The following LRBA variants were observed in gnomAD, a reference collection of about 807,000 sequenced individuals.
The protein encoded by LRBA is lipopolysaccharide-responsive and beige-like anchor protein.
In LRBA, 176 loss-of-function variants were observed where a neutral mutation model predicts 330.0. The ratio of observed to expected loss-of-function variants is 0.53; its 90% CI spans 0.47 to 0.60. The LOEUF (loss-of-function observed/expected upper bound fraction) is 0.60, where lower values mean the gene tolerates loss of function less well. LRBA is among the 20% of genes least tolerant of loss of function. LRBA has a pLI of 0.00. For synonymous variants in LRBA, 1,230 were observed against 1,193.0 expected, an observed-to-expected ratio of 1.03 and a Z score of -0.64; for missense variants, 3,259 against 3,444.8, an observed-to-expected ratio of 0.95 and a Z score of 1.35.
chr4:150,480,533 AT>A (rs1182921665), intron 42 of LRBA, among the ~76,000 whole-genome samples: 2 of 152,116 alleles, frequency 1.3e-5, no homozygotes, highest in Non-Finnish European at 2.9e-5. Flanking sequence ...TCATGTGTAT[AT>A]TAAATAATGC....
chr4:150,946,156 AG>A (rs1736225031), intron 2 of LRBA, among the ~76,000 whole-genome samples: 1 of 152,226 alleles, frequency 6.6e-6, no homozygotes, highest in South Asian at 2.1e-4. Flanking sequence ...TGAAATAAAC[AG>A]TATTATGAAA....
chr4:150,872,215 C>T (rs1241657451), intron 18 of LRBA, among the ~76,000 whole-genome samples: 2 of 152,174 alleles, frequency 1.3e-5, no homozygotes, highest in African/African-American at 4.8e-5. Flanking sequence ...TAAACTACTT[C>T]TGGTACAAAG....
At chr4:150,854,770 T>C (rs1488706979) in intron 22 of LRBA, among the ~76,000 whole-genome samples, 2 of 152,130 alleles carry the variant, frequency 1.3e-5, no homozygotes, top group Non-Finnish European at 1.5e-5. Flanking sequence ...GCCTTGGAGC[T>C]GAAATAAGCT....
chr4:150,282,748 T>C (rs908891527), intron 54 of LRBA, 102 bp from the exon 55 acceptor site: 6 of 804,484 alleles, frequency 7.5e-6, no homozygotes, highest in Admixed American at 2.9e-5. Flanking sequence ...AACCACACTA[T>C]AGATGTAGAA....
intron 53 of LRBA, among the ~76,000 whole-genome samples, chr4:150,288,575 C>G (rs539367429): frequency 6.6e-6 from 1 of 152,064 alleles, no homozygotes; most frequent in East Asian, 1.9e-4. Flanking sequence ...GGCAACAGAG[C>G]GAGACTCCGT....
intron 34 of LRBA, among the ~76,000 whole-genome samples, chr4:150,791,313 TAGTG>T (rs776769740): frequency 1.6e-4 from 25 of 152,158 alleles, no homozygotes; most frequent in African/African-American, 5.8e-4. Context: ...AAAAGTCAGA[TAGTG>T]AGAGTTGATC....
At chr4:150,292,408 G>A (rs533425666) in intron 53 of LRBA, among the ~76,000 whole-genome samples, 106 of 152,200 alleles carry the variant, frequency 7.0e-4, no homozygotes, top group Middle Eastern at 6.8e-3. Flanking sequence ...GCAGTATAAC[G>A]TTTTCACTTG....
chr4:150,467,992 A>C (rs1755644186), intron 43 of LRBA, among the ~76,000 whole-genome samples: 1 of 151,988 alleles, frequency 6.6e-6, no homozygotes, highest in Non-Finnish European at 1.5e-5. Flanking sequence ...TGAGTCACAA[A>C]AGGTTAGGTA....
intron 35 of LRBA, among the ~76,000 whole-genome samples, chr4:150,753,803 C>G (rs1252141942): frequency 1.3e-5 from 2 of 152,082 alleles, no homozygotes; most frequent in East Asian, 3.8e-4. Context: ...TGTGGTGGCT[C>G]ACACCTGTAA....
At chr4:150,483,098 G>C (rs1017030358) in intron 42 of LRBA, among the ~76,000 whole-genome samples, 1 of 151,974 alleles carries the variant, frequency 6.6e-6, no homozygotes, top group Non-Finnish European at 1.5e-5. Flanking sequence ...GTTCTTTCAA[G>C]AAGTTCTACT....
At chr4:150,568,071 T>C (rs1315082194) in intron 40 of LRBA, among the ~76,000 whole-genome samples, 2 of 152,138 alleles carry the variant, frequency 1.3e-5, no homozygotes, top group African/African-American at 4.8e-5. Context: ...TTTGGAAGGC[T>C]GAGGCAGGAG....
intron 16 of LRBA, 61 bp downstream of exon 16, chr4:150,896,333 T>G: frequency 5.7e-6 from 5 of 872,416 alleles, no homozygotes; most frequent in African/African-American, 3.5e-5. Context: ...ATTTTTACTT[T>G]TAAAAAAGTC....
intron 2 of LRBA, among the ~76,000 whole-genome samples, chr4:150,978,200 G>A (rs1740421875): frequency 6.6e-6 from 1 of 152,214 alleles, no homozygotes; most frequent in South Asian, 2.1e-4. Flanking sequence ...GAGAGAGAGA[G>A]CAACATACCA....
chr4:151,000,321 T>C (rs750021082), intron 2 of LRBA, among the ~76,000 whole-genome samples: 10 of 152,208 alleles, frequency 6.6e-5, no homozygotes, highest in Non-Finnish European at 1.3e-4. Flanking sequence ...CACAATTACA[T>C]GGATAGAAGA....
intron 34 of LRBA, among the ~76,000 whole-genome samples, chr4:150,764,625 C>CT (rs1287784824): frequency 3.3e-5 from 5 of 151,984 alleles, no homozygotes; most frequent in Non-Finnish European, 5.9e-5. Context: ...GGGCCAAAGA[C>CT]TTTGACACCT....
At chr4:150,290,283 T>A (rs1728088821) in intron 53 of LRBA, among the ~76,000 whole-genome samples, 1 of 152,108 alleles carries the variant, frequency 6.6e-6, no homozygotes, top group Admixed American at 6.5e-5. Context: ...CAATAATCTC[T>A]CATTGAAGTC....
At chr4:150,805,446 G>GGGAAGGGAAAGGAAAGGAAA (rs1742539446) in intron 33 of LRBA, among the ~76,000 whole-genome samples, 2 of 39,736 alleles carry the variant, frequency 5.0e-5, no homozygotes, top group Non-Finnish European at 9.5e-5. Flanking sequence ...AGGAAGGAAA[G>GGGAAGGGAAAGGAAAGGAAA]GGAAAGGAAA....
chr4:150,484,605 T>A (rs553741566), intron 42 of LRBA, among the ~76,000 whole-genome samples: 1 of 151,970 alleles, frequency 6.6e-6, no homozygotes, highest in East Asian at 1.9e-4. Context: ...TTCATTACAC[T>A]GATTTTTTTC....
At chr4:150,724,896 A>C (rs562153797) in intron 36 of LRBA, among the ~76,000 whole-genome samples, 1 of 147,148 alleles carries the variant, frequency 6.8e-6, no homozygotes, top group Admixed American at 6.9e-5. Flanking sequence ...ATATATATGT[A>C]TATATATACA....
Sources: gnomAD v4.1 joint callset for allele counts (sites outside exome capture counted in the v4.1 genomes callset) on GRCh38, gnomAD v4.1.1 for gene constraint, MANE v1.5 for transcripts, NCBI Gene and HGNC (gene_info 2026-07-23, HGNC 2026-07-21) for gene names.